The following HHAT variants were observed in gnomAD, a reference collection of about 807,000 sequenced individuals.
HHAT encodes hedgehog acyltransferase.
In HHAT, 47 loss-of-function variants were observed where a neutral mutation model predicts 70.8. The ratio of observed to expected loss-of-function variants is 0.66; its 90% CI spans 0.53 to 0.85. HHAT has a LOEUF of 0.85. Among genes scored for constraint, HHAT ranks in the 40% least tolerant of loss-of-function variants. The pLI is 0.00. For missense variants in HHAT, 609 were observed against 604.8 expected, an observed-to-expected ratio of 1.01 and a Z score of -0.07; for synonymous variants, 228 against 247.6, an observed-to-expected ratio of 0.92 and a Z score of 0.74.
At position 210,542,496 on chromosome 1, in the gene HHAT, A is replaced by AAAT. The variant is rs56743887; in HGVS notation, c.1043+29309_1043+29310insATA. On this transcript the variant is annotated intron_variant, in intron 9 of 11. Coordinates refer to ENST00000261458, the MANE Select transcript of HHAT (RefSeq NM_018194.6). ...GCATCAGTGTTTTAGTTAAAAAAAAAATATATATATATATATATTGGTTGG... is the reference window on the plus strand; with the variant it reads ...GCATCAGTGTTTTAGTTAAAAAAAAAAATATATATATATATATATATTGGTTGG... Among the ~76,000 whole-genome samples the AAAT allele has an allele frequency of 8.5e-3, 1,266 of 149,426 alleles. 9 individuals carry two copies. The highest frequency in any genetic ancestry group is 0.015 in the South Asian group (72 of 4,678).
chr1:210,342,888 CAT>C (rs2086158030), intron 1 of HHAT, among the ~76,000 whole-genome samples: 1 of 152,122 alleles, frequency 6.6e-6, no homozygotes, highest in Non-Finnish European at 1.5e-5. Context: ...TCCCTTAAGA[CAT>C]ATCTACTCTG....
At position 210,584,435 on chromosome 1, in the gene HHAT, A is replaced by G. The variant is rs115943262; in HGVS notation, c.1044-3463A>G. Among the ~76,000 whole-genome samples, 173 of 152,250 alleles carry G rather than the reference A, an allele frequency of 1.1e-3. 1 individual carries two copies. The highest frequency in any genetic ancestry group is 2.2e-3 in the Non-Finnish European group (151 of 68,022). ...CATACAACACTGGTTACGTAAAGTT[A>G]AGGGCAGCCTCATGATGGGCCAGCA... On this transcript the variant is annotated intron_variant, in intron 9 of 11. Transcript: ENST00000261458.
intron 9 of HHAT, among the ~76,000 whole-genome samples, chr1:210,532,524 C>A (rs1483244495): frequency 1.3e-5 from 2 of 152,220 alleles, no homozygotes; most frequent in Non-Finnish European, 2.9e-5. Flanking sequence ...AAGGTCTCTT[C>A]TAGCCCTAAA....
At chr1:210,335,660 C>T (rs926276500) in intron 1 of HHAT, among the ~76,000 whole-genome samples, 3 of 152,180 alleles carry the variant, frequency 2.0e-5, no homozygotes, top group African/African-American at 7.2e-5. Context: ...GGCAACACTG[C>T]AGGGCAGTGG....
At chr1:210,365,261 T>C (rs2088799187) in intron 3 of HHAT, among the ~76,000 whole-genome samples, 1 of 151,410 alleles carries the variant, frequency 6.6e-6, no homozygotes, top group Non-Finnish European at 1.5e-5. Context: ...AGCCCATCCC[T>C]TGAATGTTAG....
At chr1:210,596,407 T>G (rs1227050674) in intron 10 of HHAT, among the ~76,000 whole-genome samples, 1 of 152,198 alleles carries the variant, frequency 6.6e-6, no homozygotes, top group African/African-American at 2.4e-5. Flanking sequence ...TGGAAAAATG[T>G]TCTACCCCTG....
intron 3 of HHAT, among the ~76,000 whole-genome samples, chr1:210,377,544 C>T (rs948679639): frequency 6.6e-6 from 1 of 152,208 alleles, no homozygotes; most frequent in Non-Finnish European, 1.5e-5. Flanking sequence ...ATAGACTCTG[C>T]AGTCTTGCTC....
At chr1:210,455,582 C>T (rs914944839) in intron 7 of HHAT, among the ~76,000 whole-genome samples, 1 of 152,020 alleles carries the variant, frequency 6.6e-6, no homozygotes, top group African/African-American at 2.4e-5. Context: ...AGACAGCTGA[C>T]CCGATTCAAG....
At chr1:210,655,855 C>G (rs551528894) in intron 11 of HHAT, among the ~76,000 whole-genome samples, 1 of 152,136 alleles carries the variant, frequency 6.6e-6, no homozygotes, top group Non-Finnish European at 1.5e-5. Flanking sequence ...ATTCCTTGGA[C>G]TGACTTTCTG....
intron 1 of HHAT, among the ~76,000 whole-genome samples, chr1:210,345,858 C>T (rs1351301878): frequency 4.0e-5 from 6 of 151,894 alleles, no homozygotes; most frequent in Non-Finnish European, 7.4e-5. Flanking sequence ...CCACGGTGGG[C>T]GGATCTCCTG....
chr1:210,456,523 T>C (rs1360449599), intron 7 of HHAT, among the ~76,000 whole-genome samples: 1 of 152,176 alleles, frequency 6.6e-6, no homozygotes, highest in Non-Finnish European at 1.5e-5. Context: ...TTAGAGCATA[T>C]TATTGCTGTA....
chr1:210,605,516 A>G (rs1665209429), intron 10 of HHAT, among the ~76,000 whole-genome samples: 1 of 152,152 alleles, frequency 6.6e-6, no homozygotes. Context: ...TTAAATAACT[A>G]CTCTGAAAAA....
intron 6 of HHAT, among the ~76,000 whole-genome samples, chr1:210,414,170 TCTCA>T (rs2092648122): frequency 6.6e-6 from 1 of 152,188 alleles, no homozygotes; most frequent in Admixed American, 6.5e-5. Context: ...ATTGGCACCT[TCTCA>T]CTGTCTTCAC....
chr1:210,398,378 T>A (rs2091905406), intron 4 of HHAT, among the ~76,000 whole-genome samples: 1 of 152,148 alleles, frequency 6.6e-6, no homozygotes, highest in African/African-American at 2.4e-5. Flanking sequence ...TGTGATGTCT[T>A]AGAACAGTAT....
intron 9 of HHAT, among the ~76,000 whole-genome samples, chr1:210,528,825 C>T (rs764433316): frequency 1.3e-5 from 2 of 152,054 alleles, no homozygotes; most frequent in African/African-American, 4.8e-5. Flanking sequence ...CATACCCTGC[C>T]GTCTGTAGAA....
At chr1:210,491,387 C>T (rs1016972481) in intron 8 of HHAT, among the ~76,000 whole-genome samples, 4 of 152,172 alleles carry the variant, frequency 2.6e-5, no homozygotes, top group African/African-American at 7.2e-5. Context: ...ACTGCAAACT[C>T]CTATGAGGAG....
chr1:210,595,173 T>C (rs1662673914), intron 10 of HHAT, among the ~76,000 whole-genome samples: 1 of 152,052 alleles, frequency 6.6e-6, no homozygotes, highest in Admixed American at 6.6e-5. Flanking sequence ...TGTCCAAGTG[T>C]TCTCATTGTT....
At position 210,464,552 on chromosome 1, in the gene HHAT, G is replaced by A; in HGVS notation, c.904G>A (p.Val302Met). ...GCTCTTTTTCTACGTGAAGTACTTG[G>A]TGCTCTTTGGCGTGCCTGCTCTGCT... ...QVLFFYVKYL[V>M]LFGVPALLMR... Residue 302 changes from valine to methionine, a missense_variant, in exon 8 of 12, where the codon GTG becomes ATG. Coordinates refer to ENST00000261458, the MANE Select transcript of HHAT (RefSeq NM_018194.6). The A allele has an allele frequency of 6.2e-7, 1 of 1,614,138 alleles. No homozygotes were observed.
chr1:210,328,020 C>A (rs1185661010), upstream of HHAT, among the ~76,000 whole-genome samples: 3 of 152,126 alleles, frequency 2.0e-5, no homozygotes, highest in Non-Finnish European at 2.9e-5. Flanking sequence ...TAAAATAATC[C>A]TCTCGACCAT....
Sources: allele counts gnomAD v4.1 joint callset (sites outside exome capture counted in the v4.1 genomes callset), GRCh38; gene constraint gnomAD v4.1.1; transcripts MANE v1.5; gene names NCBI Gene and HGNC (gene_info 2026-07-23, HGNC 2026-07-21).